The following WDR72 variants were observed in gnomAD, a reference collection of about 807,000 sequenced individuals.
WDR72 encodes the protein WD repeat-containing protein 72.
Under a neutral mutation model 124.2 loss-of-function variants are expected in WDR72, and 120 were observed. The ratio of observed to expected loss-of-function variants is 0.97; its 90% CI spans 0.83 to 1.12. WDR72 has a LOEUF of 1.12. WDR72 is among the 50% of genes most tolerant of loss of function. The pLI, the probability that WDR72 is intolerant of heterozygous loss-of-function variation, is 0.00. For missense variants in WDR72, 1,387 were observed against 1,278.8 expected (o/e 1.08, Z -1.29); for synonymous variants, 452 against 441.7 (o/e 1.02, Z -0.29).
intron 1 of WDR72, among the ~76,000 whole-genome samples, chr15:53,747,980 A>ACC (rs1198226384): frequency 1.0e-5 from 1 of 98,352 alleles, no homozygotes; most frequent in Non-Finnish European, 2.3e-5. Context: ...TACAGTGAAA[A>ACC]TCTTTTTTTT....
chr15:53,677,437 G>C (rs1444510639), intron 13 of WDR72, among the ~76,000 whole-genome samples: 4 of 152,118 alleles, frequency 2.6e-5, no homozygotes, highest in African/African-American at 9.7e-5. Flanking sequence ...TATTTCCAAA[G>C]GAAGCTGATA....
intron 9 of WDR72, among the ~76,000 whole-genome samples, chr15:53,706,373 T>TATATAC (rs2017373820): frequency 1.5e-5 from 1 of 67,334 alleles, no homozygotes; most frequent in African/African-American, 6.0e-5. Flanking sequence ...TATATATATA[T>TATATAC]ATATATATAT....
intron 13 of WDR72, among the ~76,000 whole-genome samples, chr15:53,674,544 C>T (rs755762313): frequency 2.6e-5 from 4 of 151,844 alleles, no homozygotes; most frequent in Non-Finnish European, 5.9e-5. Flanking sequence ...ATTTAGCTAA[C>T]TAGAAAATAA....
chr15:53,556,438 T>G (rs1311608773), intron 18 of WDR72, among the ~76,000 whole-genome samples: 1 of 152,076 alleles, frequency 6.6e-6, no homozygotes, highest in Admixed American at 6.6e-5. Flanking sequence ...AGACTGCCTA[T>G]AGTAGGGTCT....
chr15:53,762,469 C>A (rs145590909), upstream of WDR72, among the ~76,000 whole-genome samples: 25 of 152,308 alleles, frequency 1.6e-4, no homozygotes, highest in African/African-American at 5.3e-4. Flanking sequence ...ACACCAAGCA[C>A]GTAGGAGATA....
intron 14 of WDR72, among the ~76,000 whole-genome samples, chr15:53,620,228 T>C (rs901457349): frequency 3.9e-5 from 6 of 151,996 alleles, no homozygotes; most frequent in African/African-American, 1.4e-4. Flanking sequence ...TCCCATACAA[T>C]AGATTTGGCT....
Position 53,738,766 on chromosome 15 carries a change from C to T in WDR72, c.-12-5605G>A, listed in dbSNP as rs150623732. Among the ~76,000 whole-genome samples the T allele has an allele frequency of 6.4e-3, 977 of 152,246 alleles. 5 individuals are homozygous for T. The highest frequency in any genetic ancestry group is 8.7e-3 in the Non-Finnish European group (591 of 68,024). ...GGATTACAGGCACCCACCACCATGC[C>T]TAGCTAATTTTTTTATTTTTAGTAG... is the stretch of plus-strand genomic sequence containing the variant. On this transcript the variant is annotated intron_variant, in intron 1 of 19. Coordinates refer to ENST00000360509, the MANE Select transcript of WDR72 (RefSeq NM_182758.4).
At chr15:53,715,033 T>C (rs2017664059) in intron 5 of WDR72, among the ~76,000 whole-genome samples, 160 bp downstream of exon 5, 1 of 152,212 alleles carries the variant, frequency 6.6e-6, no homozygotes, top group Non-Finnish European at 1.5e-5. Context: ...TGGGTGTTCT[T>C]AGTTTTTCTT....
intron 18 of WDR72, among the ~76,000 whole-genome samples, chr15:53,557,736 C>G (rs1003665639): frequency 2.0e-5 from 3 of 151,952 alleles, no homozygotes; most frequent in African/African-American, 7.2e-5. Context: ...ATCTCCAAGG[C>G]TCTCATTAGC....
chr15:53,581,538 A>G (rs997774688), intron 18 of WDR72, among the ~76,000 whole-genome samples: 3 of 152,072 alleles, frequency 2.0e-5, no homozygotes, highest in African/African-American at 7.2e-5. Context: ...ATTGGTAAAA[A>G]TTAGAAAGTT....
chr15:53,672,763 C>T (rs1203727611), intron 13 of WDR72, among the ~76,000 whole-genome samples: 1 of 152,142 alleles, frequency 6.6e-6, no homozygotes, highest in Non-Finnish European at 1.5e-5. Flanking sequence ...TCCAAACAGC[C>T]AGAAGTTGTT....
chr15:53,619,745 T>C (rs1156989602), intron 14 of WDR72, among the ~76,000 whole-genome samples: 1 of 152,052 alleles, frequency 6.6e-6, no homozygotes, highest in Non-Finnish European at 1.5e-5. Flanking sequence ...TAGCAAATGC[T>C]CTTTCAGCCT....
chr15:53,689,981 C>T (rs1254676991), intron 13 of WDR72, among the ~76,000 whole-genome samples: 7 of 148,030 alleles, frequency 4.7e-5, no homozygotes, highest in African/African-American at 1.5e-4. Context: ...AAACCAAACA[C>T]CGCATATTCT....
intron 1 of WDR72, among the ~76,000 whole-genome samples, chr15:53,744,118 T>C (rs893380663): frequency 6.6e-6 from 1 of 152,208 alleles, no homozygotes; most frequent in Admixed American, 6.5e-5. Flanking sequence ...CTCCTTTCTA[T>C]AACCAACACT....
In WDR72 at chr15:53,659,787, A is replaced by T. The variant is rs770615144; in HGVS notation, c.1962+5785T>A. Among the ~76,000 whole-genome samples the T allele has an allele frequency of 5.3e-5, 8 of 152,100 alleles. No individual in the cohort carries two copies. The South Asian group carries it at 6.2e-4, about 12-fold the overall frequency. ...TATCTATAAAACTCTTATGGTAAAC[A>T]GTTATACACTGTCAAAAACTTGCAT... On this transcript the variant is annotated intron_variant, in intron 14 of 19. Transcript: ENST00000360509.
chr15:53,742,761 T>A (rs566515481), intron 1 of WDR72, among the ~76,000 whole-genome samples: 5 of 152,190 alleles, frequency 3.3e-5, no homozygotes, highest in African/African-American at 1.2e-4. Context: ...CAAACAACAA[T>A]ACTGTAGTAC....
At chr15:53,690,164 T>C (rs1273749267) in intron 13 of WDR72, among the ~76,000 whole-genome samples, 1 of 151,632 alleles carries the variant, frequency 6.6e-6, no homozygotes, top group Non-Finnish European at 1.5e-5. Context: ...CATGTATACA[T>C]ATGTAACTAA....
At chr15:53,676,151 C>T (rs11857309) in intron 13 of WDR72, among the ~76,000 whole-genome samples, 4 of 152,146 alleles carry the variant, frequency 2.6e-5, no homozygotes, top group Non-Finnish European at 4.4e-5. Context: ...TTTCTATAGA[C>T]TCACTCACCA....
intron 18 of WDR72, among the ~76,000 whole-genome samples, 190 bp downstream of exon 18, chr15:53,596,889 T>C (rs1032184453): frequency 2.0e-5 from 3 of 152,178 alleles, no homozygotes. Context: ...AAACCTATCC[T>C]ATGACCTTTT....
Sources: allele counts gnomAD v4.1 joint callset (sites outside exome capture counted in the v4.1 genomes callset), GRCh38; gene constraint gnomAD v4.1.1; transcripts MANE v1.5; gene names NCBI Gene and HGNC (gene_info 2026-07-23, HGNC 2026-07-21).